Variants in ZFAND3 observed in about 807,000 individuals in gnomAD.
ZFAND3 encodes zinc finger AN1-type containing 3, also known as AN1-type zinc finger protein 3.
ZFAND3 carries 10 observed loss-of-function variants against 29.6 expected under a neutral mutation model. The ratio of observed to expected loss-of-function variants is 0.34; its 90% confidence interval spans 0.21 to 0.57. The LOEUF (loss-of-function observed/expected upper bound fraction) is 0.57. Ranked by LOEUF, ZFAND3 falls within the 20% of genes least tolerant of loss-of-function variation. The probability of loss-of-function intolerance (pLI) is 0.86; values close to 1 mark genes in which losing one functional copy is unlikely to be tolerated. For synonymous variants in ZFAND3, 128 were observed against 112.6 expected (o/e 1.14, Z -0.87); for missense variants, 230 against 304.5 (o/e 0.76, Z 1.82).
At chr6:37,843,173 T>G (rs1764111073) in intron 1 of ZFAND3, among the ~76,000 whole-genome samples, 1 of 150,572 alleles carries the variant, frequency 6.6e-6, no homozygotes. Flanking sequence ...GCCTTGACTA[T>G]TCAGGTGATT....
At chr6:38,049,961 T>TTTCTTTTTTA (rs763877563) in intron 2 of ZFAND3, among the ~76,000 whole-genome samples, 1 of 25,000 alleles carries the variant, frequency 4.0e-5, no homozygotes. Context: ...TTTTTTTTTT[T>TTTCTTTTTTA]TTTTTTTGGG....
At chr6:38,079,054 C>T (rs555998082) in intron 3 of ZFAND3, among the ~76,000 whole-genome samples, 2 of 152,282 alleles carry the variant, frequency 1.3e-5, no homozygotes, top group South Asian at 2.1e-4. Flanking sequence ...TAATTTCCTG[C>T]ATTGATTTTA....
At chr6:38,058,058 A>G (rs1373305776) in intron 2 of ZFAND3, among the ~76,000 whole-genome samples, 3 of 152,228 alleles carry the variant, frequency 2.0e-5, no homozygotes, top group South Asian at 2.1e-4. Context: ...GCCAGTTCAC[A>G]AAAGAGAACT....
At chr6:37,854,953 AAAT>A (rs1324555011) in intron 1 of ZFAND3, among the ~76,000 whole-genome samples, 7 of 150,124 alleles carry the variant, frequency 4.7e-5, no homozygotes, top group Non-Finnish European at 1.0e-4. Flanking sequence ...TACAGGAGAA[AAAT>A]AATAGGTGTT....
At chr6:37,882,135 C>T (rs920089723) in intron 1 of ZFAND3, among the ~76,000 whole-genome samples, 4 of 152,144 alleles carry the variant, frequency 2.6e-5, no homozygotes, top group African/African-American at 2.4e-5. Context: ...GGCCATGTTG[C>T]TGGAGTGGGA....
chr6:37,932,271 A>C (rs1581772491), intron 2 of ZFAND3, among the ~76,000 whole-genome samples: 2 of 151,850 alleles, frequency 1.3e-5, no homozygotes, highest in East Asian at 3.9e-4. Context: ...AAAAAAAAAA[A>C]AATAAATAAA....
intron 2 of ZFAND3, among the ~76,000 whole-genome samples, chr6:38,061,229 C>T (rs1048497991): frequency 6.6e-6 from 1 of 152,110 alleles, no homozygotes; most frequent in Non-Finnish European, 1.5e-5. Flanking sequence ...CTGCTGTTTT[C>T]TCTGCTGCCT....
intron 1 of ZFAND3, among the ~76,000 whole-genome samples, chr6:37,911,253 A>G (rs565520028): frequency 6.6e-6 from 1 of 152,302 alleles, no homozygotes; most frequent in East Asian, 1.9e-4. Context: ...GGTGATAACT[A>G]TTCCACTGCA....
intron 5 of ZFAND3, among the ~76,000 whole-genome samples, chr6:38,125,043 C>G (rs570943390): frequency 1.3e-5 from 2 of 152,186 alleles, no homozygotes; most frequent in African/African-American, 2.4e-5. Flanking sequence ...ATCCATCCCC[C>G]CAAAAGGAAA....
intron 5 of ZFAND3, among the ~76,000 whole-genome samples, chr6:38,143,810 A>T (rs1306959491): frequency 2.6e-5 from 4 of 152,182 alleles, no homozygotes; most frequent in Admixed American, 2.0e-4. Flanking sequence ...AGTTCTGTTT[A>T]TTGGAGTCTA....
chr6:38,093,217 G>A (rs889365026), intron 4 of ZFAND3, among the ~76,000 whole-genome samples: 8 of 152,218 alleles, frequency 5.3e-5, no homozygotes, highest in African/African-American at 1.9e-4. Context: ...GTGGCCAGTG[G>A]AATAGAGAAA....
At chr6:37,860,866 G>C (rs1044852873) in intron 1 of ZFAND3, among the ~76,000 whole-genome samples, 1 of 151,988 alleles carries the variant, frequency 6.6e-6, no homozygotes, top group Non-Finnish European at 1.5e-5. Context: ...GGATGTAGAA[G>C]GATGAGATAT....
chr6:38,066,110 C>T (rs1169269488), intron 3 of ZFAND3, among the ~76,000 whole-genome samples: 1 of 152,194 alleles, frequency 6.6e-6, no homozygotes, highest in Non-Finnish European at 1.5e-5. Flanking sequence ...TTCAGGTCAG[C>T]TTTGCTCCCT....
At chr6:38,029,507 C>T (rs1308089715) in intron 2 of ZFAND3, among the ~76,000 whole-genome samples, 14 of 152,208 alleles carry the variant, frequency 9.2e-5, no homozygotes, top group Middle Eastern at 3.4e-3. Context: ...TCTCTAACAC[C>T]AGTGAAACAG....
intron 2 of ZFAND3, among the ~76,000 whole-genome samples, chr6:37,941,300 A>C (rs1761806165): frequency 6.6e-6 from 1 of 152,240 alleles, no homozygotes; most frequent in African/African-American, 2.4e-5. Context: ...TCGGGATTGT[A>C]CTGTGAGGAT....
intron 4 of ZFAND3, among the ~76,000 whole-genome samples, chr6:38,101,490 A>G (rs1472072245): frequency 1.3e-5 from 2 of 152,202 alleles, no homozygotes; most frequent in African/African-American, 4.8e-5. Context: ...TTATTTATTT[A>G]TAAGCTTAAG....
intron 2 of ZFAND3, among the ~76,000 whole-genome samples, chr6:38,033,307 C>T (rs1274509336): frequency 6.6e-6 from 1 of 152,094 alleles, no homozygotes; most frequent in East Asian, 1.9e-4. Flanking sequence ...AAATATTAAT[C>T]CAGCTTTTCC....
intron 4 of ZFAND3, among the ~76,000 whole-genome samples, chr6:38,084,010 G>GA (rs1764713386): frequency 6.6e-6 from 1 of 151,970 alleles, no homozygotes. Context: ...TTTTACAGAT[G>GA]AAAAAAATGT....
intron 4 of ZFAND3, among the ~76,000 whole-genome samples, chr6:38,095,478 A>G (rs779974598): frequency 4.0e-4 from 60 of 151,320 alleles, no homozygotes; most frequent in Non-Finnish European, 5.9e-4. Flanking sequence ...CTTACTTCCT[A>G]ACTCTGTATT....
Sources: gnomAD v4.1 joint callset for allele counts (sites outside exome capture counted in the v4.1 genomes callset) on GRCh38, gnomAD v4.1.1 for gene constraint, MANE v1.5 for transcripts, NCBI Gene and HGNC (gene_info 2026-07-23, HGNC 2026-07-21) for gene names.